The following RIMBP2 variants were observed in gnomAD, a reference collection of about 807,000 sequenced individuals.
RIMBP2 encodes RIMS-binding protein 2.
A neutral mutation model predicts 118.6 loss-of-function variants in RIMBP2; 48 were observed. That is an observed-to-expected ratio of 0.40 (90% CI 0.32 to 0.51). The LOEUF (loss-of-function observed/expected upper bound fraction) is 0.51, where lower values mean the gene tolerates loss of function less well. Ranked by LOEUF, RIMBP2 falls within the 20% of genes least tolerant of loss-of-function variation. The pLI, the probability that RIMBP2 is intolerant of heterozygous loss-of-function variation, is 0.41. For synonymous variants in RIMBP2, 762 were observed against 742.9 expected, an observed-to-expected ratio of 1.03 and a Z score of -0.42; for missense variants, 1,551 against 1,768.3, an observed-to-expected ratio of 0.88 and a Z score of 2.20.
intron 3 of RIMBP2, among the ~76,000 whole-genome samples, chr12:130,509,193 ACCACAT>A (rs569308118): frequency 1.4e-4 from 21 of 152,334 alleles, no homozygotes; most frequent in African/African-American, 4.3e-4. Context: ...AGGGCGGCTT[ACCACAT>A]CTAGGCCACT....
intron 4 of RIMBP2, among the ~76,000 whole-genome samples, chr12:130,485,341 T>C (rs2082384701): frequency 6.6e-6 from 1 of 152,244 alleles, no homozygotes; most frequent in Non-Finnish European, 1.5e-5. Flanking sequence ...TCAGGGAAGC[T>C]GAGCAAGGGC....
At chr12:130,587,667 T>C (rs1405853528) in intron 2 of RIMBP2, among the ~76,000 whole-genome samples, 1 of 79,270 alleles carries the variant, frequency 1.3e-5, no homozygotes, top group African/African-American at 5.7e-5. Flanking sequence ...TATCACACTC[T>C]GGGGACTGTG....
At chr12:130,685,607 G>A (rs1360345545) in intron 1 of RIMBP2, among the ~76,000 whole-genome samples, 2 of 152,170 alleles carry the variant, frequency 1.3e-5, no homozygotes, top group Non-Finnish European at 1.5e-5. Context: ...GAAGGGAGCC[G>A]TGTGGCCGCC....
intron 1 of RIMBP2, among the ~76,000 whole-genome samples, chr12:130,635,128 T>C (rs1216044585): frequency 6.6e-6 from 1 of 152,170 alleles, no homozygotes; most frequent in East Asian, 1.9e-4. Context: ...GTTAAGGACA[T>C]GCCTTTCATC....
Position 130,703,651 on chromosome 12 carries a change from G to A in RIMBP2, c.-352+12571C>T, listed in dbSNP as rs2065964393. Among the ~76,000 whole-genome samples the A allele has an allele frequency of 2.0e-5, 3 of 152,178 alleles. No homozygotes were observed. Among genetic ancestry groups the A allele is most frequent in the African/African-American group, 4.8e-5 (2 of 41,448 alleles). ...GGGCCACCGCCTAACCCTGATTAGC[G>A]CTCTACATCACCCACCGCTCAGCCT... On this transcript the variant is annotated intron_variant, in intron 1 of 22. Coordinates refer to ENST00000690449, the MANE Select transcript of RIMBP2 (RefSeq NM_001393629.1). This position sits in a 1 kb window ranked among gnomAD's most constrained non-coding sequence, Gnocchi z 5.7.
At chr12:130,653,939 C>T (rs1379687878) in intron 1 of RIMBP2, among the ~76,000 whole-genome samples, 1 of 152,148 alleles carries the variant, frequency 6.6e-6, no homozygotes, top group Non-Finnish European at 1.5e-5. Flanking sequence ...TGGACCTGGC[C>T]CCTGAAACTA....
intron 4 of RIMBP2, among the ~76,000 whole-genome samples, chr12:130,490,111 G>C (rs1441805893): frequency 1.6e-5 from 2 of 125,952 alleles, no homozygotes; most frequent in African/African-American, 6.3e-5. Context: ...GTGACAGAGC[G>C]AGACTCTGTC....
chr12:130,463,163 G>T (rs1479429917), intron 6 of RIMBP2, among the ~76,000 whole-genome samples: 1 of 152,212 alleles, frequency 6.6e-6, no homozygotes, highest in African/African-American at 2.4e-5. Context: ...CCGTGGTCCT[G>T]CCCCAGGCAG....
chr12:130,566,961 C>A (rs12317869), intron 2 of RIMBP2, among the ~76,000 whole-genome samples: 36,852 of 151,826 alleles, frequency 0.24, 6,438 homozygotes, highest in East Asian at 0.58. Flanking sequence ...CCTACAGCTT[C>A]GATGGTTAGG....
rs1566422407 is a variant in RIMBP2 at position 130,646,153 on chromosome 12, C to CGCTACTGCAAAAGGGATTGTT, written c.-351-17698_-351-17697insAACAATCCCTTTTGCAGTAGC. On this transcript the variant is annotated intron_variant, in intron 1 of 22. Coordinates refer to ENST00000690449, the MANE Select transcript of RIMBP2 (RefSeq NM_001393629.1). Reference sequence around the variant, plus strand: ...TCTCCACCTCCCTCACCACCTGCCTCTCCACCTCCCTCACCACCTGCCTCT... The same window carrying CGCTACTGCAAAAGGGATTGTT: ...TCTCCACCTCCCTCACCACCTGCCTCGCTACTGCAAAAGGGATTGTTTCCACCTCCCTCACCACCTGCCTCT... Among the ~76,000 whole-genome samples, 10 of 90,528 alleles carry CGCTACTGCAAAAGGGATTGTT rather than the reference C, an allele frequency of 1.1e-4. 1 individual carries two copies. Among genetic ancestry groups the CGCTACTGCAAAAGGGATTGTT allele is most frequent in the Non-Finnish European group, 2.4e-4 (9 of 38,126 alleles). 59.4% of individuals were successfully genotyped at this position (90,528 alleles called of 152,430 possible).
chr12:130,519,937 C>G (rs1047637040), intron 2 of RIMBP2, among the ~76,000 whole-genome samples: 1 of 152,172 alleles, frequency 6.6e-6, no homozygotes, highest in Non-Finnish European at 1.5e-5. Flanking sequence ...TCTTACTGCA[C>G]AGGGTCAAGG....
rs558313725 is a variant in RIMBP2, at chr12:130,524,298, G to A, written c.-216-6381C>T. 3.0e-4 allele frequency among the ~76,000 whole-genome samples: 46 copies of A among 152,274 alleles called. 2 individuals are homozygous for A. The highest frequency in any genetic ancestry group is 1.1e-3 in the African/African-American group (45 of 41,556). ...CTCTGCTCTTCTTTGTCCTCTACCT[G>A]TGGTTCCAGAGGCATGAGCCAGGCC... On this transcript the variant is annotated intron_variant, in intron 2 of 22. Transcript: ENST00000690449.
In RIMBP2 at chr12:130,506,668, T is replaced by C. The variant is rs567298670; in HGVS notation, c.-24A>G. On this transcript the variant is annotated 5_prime_UTR_variant, in exon 4 of 23. Coordinates refer to ENST00000690449, the MANE Select transcript of RIMBP2 (RefSeq NM_001393629.1). ...CTTACCTTCAGGACCTGTTCTAGGT[T>C]CTCCAGCTTGGCTTGGAGCTGGTGT... The C allele has an allele frequency of 1.0e-6, 1 of 985,726 alleles. No homozygotes were observed. The highest frequency in any genetic ancestry group is 4.7e-5 in the South Asian group (1 of 21,274). 61.1% of individuals were successfully genotyped at this position (985,726 alleles called of 1,614,324 possible). A position where few individuals can be genotyped will look rare whatever the true frequency, so the allele number is the denominator to read the frequency against.
chr12:130,561,786 A>G (rs184086493), intron 2 of RIMBP2, among the ~76,000 whole-genome samples: 1 of 152,246 alleles, frequency 6.6e-6, no homozygotes, highest in East Asian at 1.9e-4. Context: ...TTAGTTTTCA[A>G]ACTCTCCTTT....
chr12:130,536,009 G>A (rs1036194212), intron 2 of RIMBP2, among the ~76,000 whole-genome samples: 7 of 151,956 alleles, frequency 4.6e-5, no homozygotes, highest in African/African-American at 7.2e-5. Context: ...GGCTGGGCTC[G>A]AACTCCTGAG....
At chr12:130,692,214 G>C (rs933125580) in intron 1 of RIMBP2, among the ~76,000 whole-genome samples, 4 of 152,130 alleles carry the variant, frequency 2.6e-5, no homozygotes, top group Non-Finnish European at 4.4e-5. Flanking sequence ...TGGGACAGAA[G>C]GAGAGTCCCC....
chr12:130,413,632 CAAAAAAAAAAAAA>C (rs556135470), intron 18 of RIMBP2, among the ~76,000 whole-genome samples: 1 of 73,362 alleles, frequency 1.4e-5, no homozygotes, highest in South Asian at 6.9e-4. Flanking sequence ...GACTCTGTCT[CAAAAAAAAAAAAA>C]AAAAAAAAAA....
At chr12:130,709,677 C>G (rs1195591) in intron 1 of RIMBP2, among the ~76,000 whole-genome samples, 113,913 of 151,948 alleles carry the variant, frequency 0.75, 43,308 homozygotes, top group Non-Finnish European at 0.83. Flanking sequence ...TGTGTTCCTG[C>G]TCTTGGAAAC....
At position 130,420,829 on chromosome 12, in the gene RIMBP2, T is replaced by C. The variant is rs1250981327; in HGVS notation, c.3238+1624A>G. 6.6e-6 allele frequency: 1 copy of C among 152,150 alleles called. No individual in the cohort carries two copies. The highest frequency in any genetic ancestry group is 1.5e-5 in the Non-Finnish European group (1 of 68,024). The allele number at this position is 152,150 out of a possible 1,614,324, so 9.4% of individuals were successfully genotyped here. ...TTGGACTTCCTGGCTCAAGTGCTGA[T>C]TTGTCACAGCACAATTTTCAGTTCT... On this transcript the variant is annotated intron_variant, in intron 17 of 22. Coordinates refer to ENST00000690449, the MANE Select transcript of RIMBP2 (RefSeq NM_001393629.1). The surrounding 1 kb of genome is among the most constrained non-coding windows in gnomAD (Gnocchi z 4.3).
Sources: gnomAD v4.1 joint callset for allele counts (sites outside exome capture counted in the v4.1 genomes callset) on GRCh38, gnomAD v4.1.1 for gene constraint, Gnocchi (gnomAD v3.1) non-coding constraint, MANE v1.5 for transcripts, NCBI Gene and HGNC (gene_info 2026-07-23, HGNC 2026-07-21) for gene names.